Variants in RBP7 observed in about 807,000 individuals in gnomAD.
RBP7 encodes the protein retinoid-binding protein 7.
RBP7 carries 13 observed loss-of-function variants against 16.7 expected under a neutral mutation model. The ratio of observed to expected loss-of-function variants is 0.78; its 90% CI spans 0.51 to 1.24. The LOEUF (loss-of-function observed/expected upper bound fraction) is 1.24. Among genes scored for constraint, RBP7 ranks in the 50% most tolerant of loss-of-function variants. The pLI, the probability that RBP7 is intolerant of heterozygous loss-of-function variation, is 0.00. For missense variants in RBP7, 145 were observed against 159.5 expected (o/e 0.91, Z 0.49); for synonymous variants, 54 against 56.2 (o/e 0.96, Z 0.17).
At chr1:10,006,542 T>C (rs1370307250) in intron 1 of RBP7, among the ~76,000 whole-genome samples, 2 of 151,236 alleles carry the variant, frequency 1.3e-5, no homozygotes, top group African/African-American at 4.9e-5. Flanking sequence ...TACATAGTAG[T>C]ATATAGCTGG....
At chr1:10,009,699 T>A (rs1642563495) in intron 3 of RBP7, among the ~76,000 whole-genome samples, 1 of 151,120 alleles carries the variant, frequency 6.6e-6, no homozygotes, top group Non-Finnish European at 1.5e-5. Flanking sequence ...ACCCAGCTAG[T>A]TTTTGTATTT....
At position 10,015,775 on chromosome 1, in the gene RBP7, G is replaced by A. The variant is rs757780878; in HGVS notation, c.355-7G>A. 8 of 1,613,334 alleles carry A rather than the reference G, an allele frequency of 5.0e-6. No homozygotes were observed. In the African/African-American group the frequency reaches 6.7e-5, roughly 13 times the overall value. On this transcript the variant is annotated splice_region_variant and splice_polypyrimidine_tract_variant and intron_variant, in intron 3 of 3. Coordinates refer to ENST00000294435, the MANE Select transcript of RBP7 (RefSeq NM_052960.3). ...TCCTTCTTTTTCCCTTCCTCCTTAC[G>A]CCCTAGGAAATGTTCTGTGAAGGTC...
rs1243960371 is a variant in RBP7, at chr1:9,997,912, C to T, written c.73+581C>T. ...GGACGACCCTTCAGGTCCGGGCACC[C>T]GCGGGAGTGCAGAGCCTGGTTCGGC... On this transcript the variant is annotated intron_variant, in intron 1 of 3. Transcript: ENST00000294435. The surrounding 1 kb of genome is among the most constrained non-coding windows in gnomAD (Gnocchi z 5.9). 6.6e-6 allele frequency among the ~76,000 whole-genome samples: 1 copy of T among 152,128 alleles called. No homozygotes were observed. The highest frequency in any genetic ancestry group is 2.4e-5 in the African/African-American group (1 of 41,452).
At position 9,997,237 on chromosome 1, in the gene RBP7, G is replaced by A. The variant is rs779970284; in HGVS notation, c.-22G>A. On this transcript the variant is annotated 5_prime_UTR_variant, in exon 1 of 4. Coordinates refer to ENST00000294435, the MANE Select transcript of RBP7 (RefSeq NM_052960.3). This position sits in a 1 kb window ranked among gnomAD's most constrained non-coding sequence, Gnocchi z 5.9. ...GCCCGAGCCTCCGGCCGCCCGCCGG[G>A]TTTGTCCCGCGATCCCCGACCATGC... is the stretch of plus-strand genomic sequence containing the variant. 27 of 1,606,630 alleles carry A rather than the reference G, an allele frequency of 1.7e-5. No homozygotes were observed. In the South Asian group the frequency reaches 2.5e-4, roughly 15 times the overall value.
chr1:10,011,206 T>C (rs779380890), intron 3 of RBP7, among the ~76,000 whole-genome samples: 17 of 152,154 alleles, frequency 1.1e-4, no homozygotes, highest in Non-Finnish European at 2.4e-4. Flanking sequence ...CTTAAGAGTA[T>C]ATTTAACATT....
rs561229165 is a variant in RBP7, at chr1:10,008,849, G to A, written c.354+575G>A. Among the ~76,000 whole-genome samples, 25 of 152,258 alleles carry A rather than the reference G, an allele frequency of 1.6e-4. No individual in the cohort carries two copies. The East Asian group carries it at 4.3e-3, about 26-fold the overall frequency. On this transcript the variant is annotated intron_variant, in intron 3 of 3. Transcript: ENST00000294435. ...CCGAATATTCCGACAGAGGCAGGAA[G>A]ATAACATGCAAATACTCATGGAACA...
At chr1:10,000,845 C>T (rs1642259454) in intron 1 of RBP7, among the ~76,000 whole-genome samples, 2 of 151,884 alleles carry the variant, frequency 1.3e-5, no homozygotes, top group South Asian at 2.1e-4. Flanking sequence ...AAGCAATTCT[C>T]CTGCTTCAGC....
At chr1:9,998,407 C>CTTTTTTTTTTTT (rs772810621) in intron 1 of RBP7, among the ~76,000 whole-genome samples, 2 of 121,588 alleles carry the variant, frequency 1.6e-5, no homozygotes, top group Admixed American at 8.6e-5. Flanking sequence ...TTCTTTCTTT[C>CTTTTTTTTTTTT]TTTTTTTTTT....
intron 1 of RBP7, among the ~76,000 whole-genome samples, chr1:10,003,042 T>TG (rs1278371768): frequency 6.6e-6 from 1 of 152,168 alleles, no homozygotes; most frequent in African/African-American, 2.4e-5. Flanking sequence ...AGTTTACCAT[T>TG]GCCATGGCAA....
At position 10,015,969 on chromosome 1, in the gene RBP7, G is replaced by T; in HGVS notation, c.*137G>T. 1.4e-6 allele frequency: 1 copy of T among 713,528 alleles called. No individual in the cohort carries two copies. Among genetic ancestry groups the T allele is most frequent in the Non-Finnish European group, 2.4e-6 (1 of 410,216 alleles). The allele number at this position is 713,528 out of a possible 1,614,324, so 44.2% of individuals were successfully genotyped here. A position where few individuals can be genotyped will look rare whatever the true frequency, so the allele number is the denominator to read the frequency against. The stretch of plus-strand genomic sequence containing the variant: ...AGAGCCACACAGCGTGTAACCTGAA[G>T]TCATCTAGATTATGGGGAAACTGCT... On this transcript the variant is annotated 3_prime_UTR_variant, in exon 4 of 4. Transcript: ENST00000294435.
At chr1:10,013,817 T>C (rs1217045037) in intron 3 of RBP7, among the ~76,000 whole-genome samples, 6 of 150,764 alleles carry the variant, frequency 4.0e-5, no homozygotes, top group Non-Finnish European at 7.4e-5. Flanking sequence ...TCGCAAAAAA[T>C]TAAAAAAAAT....
At chr1:9,998,407 C>CTTTTTTTTTTTTTTTTT (rs772810621) in intron 1 of RBP7, among the ~76,000 whole-genome samples, 1 of 121,588 alleles carries the variant, frequency 8.2e-6, no homozygotes, top group African/African-American at 3.3e-5. Context: ...TTCTTTCTTT[C>CTTTTTTTTTTTTTTTTT]TTTTTTTTTT....
intron 1 of RBP7, among the ~76,000 whole-genome samples, chr1:10,001,324 G>A (rs192689098): frequency 1.3e-5 from 2 of 152,220 alleles, no homozygotes; most frequent in African/African-American, 4.8e-5. Flanking sequence ...TGGGTTTTTT[G>A]AGATAGGGTC....
At chr1:9,998,729 G>A (rs1642217171) in intron 1 of RBP7, among the ~76,000 whole-genome samples, 1 of 151,922 alleles carries the variant, frequency 6.6e-6, no homozygotes, top group African/African-American at 2.4e-5. Flanking sequence ...CTTAACCTTA[G>A]GGCCCATCTT....
intron 1 of RBP7, among the ~76,000 whole-genome samples, chr1:10,006,764 T>TAG (rs1212966695): frequency 0.048 from 6,835 of 141,328 alleles, 247 homozygotes; most frequent in African/African-American, 0.098. Context: ...TATATATATA[T>TAG]AGAGAGAGAG....
intron 3 of RBP7, among the ~76,000 whole-genome samples, chr1:10,015,302 T>A (rs954237098): frequency 6.6e-6 from 1 of 152,052 alleles, no homozygotes; most frequent in Non-Finnish European, 1.5e-5. Flanking sequence ...TAGCAGAGCA[T>A]GGTGGCACAC....
At chr1:10,005,316 AT>A (rs1221519879) in intron 1 of RBP7, among the ~76,000 whole-genome samples, 6 of 152,098 alleles carry the variant, frequency 3.9e-5, no homozygotes, top group African/African-American at 1.4e-4. Flanking sequence ...GGTTCAACTG[AT>A]TCTCCTGCCT....
intron 1 of RBP7, among the ~76,000 whole-genome samples, chr1:10,004,538 G>A (rs890849603): frequency 6.6e-6 from 1 of 151,600 alleles, no homozygotes; most frequent in Non-Finnish European, 1.5e-5. Flanking sequence ...ACCATGCCCG[G>A]CTAATTTTGT....
At chr1:10,001,762 G>A (rs1205727573) in intron 1 of RBP7, among the ~76,000 whole-genome samples, 1 of 151,998 alleles carries the variant, frequency 6.6e-6, no homozygotes, top group African/African-American at 2.4e-5. Context: ...TTACTAACTT[G>A]TCCCAGATTA....
Sources: gnomAD v4.1 joint callset for allele counts (sites outside exome capture counted in the v4.1 genomes callset) on GRCh38, gnomAD v4.1.1 for gene constraint, Gnocchi (gnomAD v3.1) non-coding constraint, MANE v1.5 for transcripts, NCBI Gene and HGNC (gene_info 2026-07-23, HGNC 2026-07-21) for gene names.